The following PBX1 variants were observed in gnomAD, a reference collection of about 807,000 sequenced individuals.
The protein encoded by PBX1 is pre-B-cell leukemia transcription factor 1.
A neutral mutation model predicts 53.4 loss-of-function variants in PBX1; 6 were observed. The observed-to-expected ratio is 0.11, with a 90% CI of 0.06 to 0.22. PBX1 has a LOEUF of 0.22. PBX1 is among the 10% of genes least tolerant of loss of function. The pLI is 1.00. For missense variants in PBX1, 251 were observed against 551.4 expected (o/e 0.46, Z 5.46); for synonymous variants, 204 against 212.3 (o/e 0.96, Z 0.34).
chr1:164,675,995 C>T (rs112130226), intron 2 of PBX1, among the ~76,000 whole-genome samples: 2 of 152,230 alleles, frequency 1.3e-5, no homozygotes, highest in African/African-American at 4.8e-5. Flanking sequence ...TAGGGCTATG[C>T]CCTTTATATT....
At position 164,697,112 on chromosome 1, in the gene PBX1, T is replaced by A. The variant is rs151077928; in HGVS notation, c.266-95382T>A. 2.4e-3 allele frequency among the ~76,000 whole-genome samples: 368 copies of A among 152,302 alleles called. 4 individuals carry two copies. The highest frequency in any genetic ancestry group is 3.5e-3 in the Non-Finnish European group (241 of 68,024). On this transcript the variant is annotated intron_variant, in intron 2 of 8. Coordinates refer to ENST00000420696, the MANE Select transcript of PBX1 (RefSeq NM_002585.4). ...TAGCTAATATTAATTTAGGGATTAG[T>A]TACTAAGCACTGCTATTTTACATTC...
intron 4 of PBX1, among the ~76,000 whole-genome samples, chr1:164,803,022 T>G (rs1669160747): frequency 6.6e-6 from 1 of 152,092 alleles, no homozygotes; most frequent in Non-Finnish European, 1.5e-5. Flanking sequence ...TTCACTGCAA[T>G]AGAGGGGATT....
rs1431789287 is a variant in PBX1 at position 164,749,221 on chromosome 1, A to G, written c.266-43273A>G. Among the ~76,000 whole-genome samples, 3 of 152,348 alleles carry G rather than the reference A, an allele frequency of 2.0e-5. No homozygotes were observed. In the East Asian group the frequency reaches 5.8e-4, roughly 29 times the overall value. On this transcript the variant is annotated intron_variant, in intron 2 of 8. Coordinates refer to ENST00000420696, the MANE Select transcript of PBX1 (RefSeq NM_002585.4). Reference sequence around the variant, plus strand: ...CCCTTTCAGTTTTTAATCTATTTGCATATATAATATATTAGCTAGCTAAAA... The same window carrying G: ...CCCTTTCAGTTTTTAATCTATTTGCGTATATAATATATTAGCTAGCTAAAA...
chr1:164,874,656 G>C (rs1672462439), intron 2 of PBX1, among the ~76,000 whole-genome samples: 1 of 152,052 alleles, frequency 6.6e-6, no homozygotes, highest in Non-Finnish European at 1.5e-5. Flanking sequence ...ACCACGCCCA[G>C]CTAATTTTTG....
In PBX1 at chr1:164,861,558, G is replaced by C. The variant is rs182347961; in HGVS notation, n.257+30075G>C. 5.9e-5 allele frequency among the ~76,000 whole-genome samples: 9 copies of C among 152,258 alleles called. No individual in the cohort carries two copies. In the East Asian group the frequency reaches 1.7e-3, roughly 30 times the overall value. ...GACTAGGTAATAAGGAAAAAACTTT[G>C]ACCAAATTGTCTGTTGTCAGGGATC... On this transcript the variant is annotated intron_variant and non_coding_transcript_variant, in intron 2 of 2. Coordinates refer to the PBX1 transcript ENST00000558796.
chr1:164,637,758 T>A (rs2101893696), intron 2 of PBX1, among the ~76,000 whole-genome samples: 1 of 152,302 alleles, frequency 6.6e-6, no homozygotes, highest in African/African-American at 2.4e-5. Context: ...CCTTATTTTG[T>A]CCTAGTTCAC....
chr1:164,741,029 A>G (rs1270516446), intron 2 of PBX1, among the ~76,000 whole-genome samples: 1 of 152,248 alleles, frequency 6.6e-6, no homozygotes, highest in African/African-American at 2.4e-5. Flanking sequence ...TCATGTTTGC[A>G]TTAATAAAGG....
chr1:164,878,088 G>A (rs1672559231), intron 2 of PBX1, among the ~76,000 whole-genome samples: 1 of 152,144 alleles, frequency 6.6e-6, no homozygotes, highest in African/African-American at 2.4e-5. Context: ...TAAACACTTA[G>A]AGTGCTTAGT....
At chr1:164,646,473 G>A (rs1290271275) in intron 2 of PBX1, among the ~76,000 whole-genome samples, 1 of 152,110 alleles carries the variant, frequency 6.6e-6, no homozygotes, top group Non-Finnish European at 1.5e-5. Context: ...CCTAGAAGAG[G>A]CAACCTCTGA....
intron 2 of PBX1, among the ~76,000 whole-genome samples, chr1:164,591,511 C>A (rs183189149): frequency 6.6e-6 from 1 of 151,374 alleles, no homozygotes; most frequent in Non-Finnish European, 1.5e-5. Context: ...TGAATGTTTA[C>A]CCTGCTTAAG....
At chr1:164,681,771 C>T (rs922006217) in intron 2 of PBX1, among the ~76,000 whole-genome samples, 1 of 152,154 alleles carries the variant, frequency 6.6e-6, no homozygotes, top group African/African-American at 2.4e-5. Context: ...CACCCATCCC[C>T]CATGACATGT....
chr1:164,743,720 G>A (rs1665742903), intron 2 of PBX1, among the ~76,000 whole-genome samples: 2 of 152,102 alleles, frequency 1.3e-5, no homozygotes, highest in Non-Finnish European at 2.9e-5. Flanking sequence ...GGGAGCCAAA[G>A]GCCTTTATGA....
chr1:164,674,317 A>G (rs1262403195), intron 2 of PBX1, among the ~76,000 whole-genome samples: 1 of 152,214 alleles, frequency 6.6e-6, no homozygotes, highest in African/African-American at 2.4e-5. Flanking sequence ...CCAAAGAGCC[A>G]TAGTGTCTTT....
intron 2 of PBX1, among the ~76,000 whole-genome samples, chr1:164,633,429 C>T (rs995318752): frequency 5.3e-5 from 8 of 152,170 alleles, no homozygotes; most frequent in African/African-American, 1.2e-4. Flanking sequence ...GGATTACAGG[C>T]GTGAGCCACA....
At chr1:164,763,578 C>T (rs1666916178) in intron 2 of PBX1, among the ~76,000 whole-genome samples, 1 of 152,200 alleles carries the variant, frequency 6.6e-6, no homozygotes, top group African/African-American at 2.4e-5. Flanking sequence ...CTACAGCCTA[C>T]AGATTTTCCC....
chr1:164,880,362 A>G (rs182070519), intron 2 of PBX1, among the ~76,000 whole-genome samples: 42 of 152,208 alleles, frequency 2.8e-4, no homozygotes, highest in African/African-American at 9.9e-4. Flanking sequence ...GTGTCAATGC[A>G]CTCTCATCTA....
intron 2 of PBX1, among the ~76,000 whole-genome samples, chr1:164,668,827 G>A (rs530328605): frequency 1.1e-4 from 17 of 152,250 alleles, no homozygotes; most frequent in Admixed American, 5.9e-4. Flanking sequence ...TGAATGGGCC[G>A]CATTTGCATA....
At chr1:164,773,535 C>G (rs1667491249) in intron 2 of PBX1, among the ~76,000 whole-genome samples, 1 of 152,090 alleles carries the variant, frequency 6.6e-6, no homozygotes, top group African/African-American at 2.4e-5. Flanking sequence ...CGTGAAAGAT[C>G]ACTGCTTTCA....
chr1:164,718,277 C>G (rs1183456307), intron 2 of PBX1, among the ~76,000 whole-genome samples: 4 of 152,158 alleles, frequency 2.6e-5, no homozygotes, highest in African/African-American at 9.7e-5. Flanking sequence ...TTTGGAGAAT[C>G]TAGGTGTTTT....
Sources: allele counts gnomAD v4.1 joint callset (sites outside exome capture counted in the v4.1 genomes callset), GRCh38; gene constraint gnomAD v4.1.1; transcripts MANE v1.5; gene names NCBI Gene and HGNC (gene_info 2026-07-23, HGNC 2026-07-21).